The following CNOT1 variants were observed in gnomAD, a reference collection of about 807,000 sequenced individuals.
CNOT1 encodes the protein CCR4-NOT transcription complex subunit 1, also known as CCR4-associated factor 1.
Under a neutral mutation model 273.8 loss-of-function variants are expected in CNOT1, and 15 were observed. The observed-to-expected ratio is 0.05, with a 90% CI of 0.04 to 0.08. The LOEUF (loss-of-function observed/expected upper bound fraction) is 0.08. Among genes scored for constraint, CNOT1 ranks in the 10% least tolerant of loss-of-function variants. The pLI is 1.00. For synonymous variants in CNOT1, 1,022 were observed against 1,005.5 expected (o/e 1.02, Z -0.31); for missense variants, 1,644 against 2,912.2 (o/e 0.56, Z 10.02).
chr16:58,576,260 A>T (rs1372944376), intron 14 of CNOT1, among the ~76,000 whole-genome samples: 1 of 151,422 alleles, frequency 6.6e-6, no homozygotes, highest in Non-Finnish European at 1.5e-5. Flanking sequence ...ACAGGCACGC[A>T]CTCCACGCCC....
intron 46 of CNOT1, 115 bp from the exon 47 acceptor site, chr16:58,523,617 T>A: frequency 1.1e-6 from 1 of 929,736 alleles, no homozygotes; most frequent in Non-Finnish European, 1.6e-6. Flanking sequence ...AATCTTTGGT[T>A]TAAAGCAGTG....
At chr16:58,567,550 T>TC (rs2041098018) in intron 16 of CNOT1, among the ~76,000 whole-genome samples, 1 of 76,928 alleles carries the variant, frequency 1.3e-5, no homozygotes, top group Non-Finnish European at 2.8e-5. Flanking sequence ...AGACATCATC[T>TC]CAAAAAAAAA....
intron 3 of CNOT1, among the ~76,000 whole-genome samples, chr16:58,588,488 T>C (rs1433314750): frequency 1.3e-5 from 2 of 152,062 alleles, no homozygotes; most frequent in African/African-American, 4.8e-5. Flanking sequence ...GGAATAAAGC[T>C]AGAGATTCAA....
intron 13 of CNOT1, 42 bp downstream of exon 13, chr16:58,578,657 T>C: frequency 1.2e-6 from 2 of 1,603,520 alleles, no homozygotes; most frequent in South Asian, 1.1e-5. Context: ...AGAAGATCAA[T>C]TATTCAGATG....
intron 2 of CNOT1, among the ~76,000 whole-genome samples, chr16:58,592,028 T>C (rs1339316283): frequency 6.6e-6 from 1 of 152,164 alleles, no homozygotes; most frequent in African/African-American, 2.4e-5. Flanking sequence ...CCAAAAGCCC[T>C]TGATATACTT....
chr16:58,521,387 T>G (rs1281928191), intron 47 of CNOT1, 70 bp from the exon 48 acceptor site: 1 of 1,492,756 alleles, frequency 6.7e-7, no homozygotes, highest in East Asian at 2.3e-5. Flanking sequence ...TTCCATTACT[T>G]TTTTTCTAAC....
rs934487849 is a variant in CNOT1 at position 58,543,613 on chromosome 16, G to A, written c.4428C>T (p.Ala1476=). Residue 1476 remains alanine, a synonymous_variant, in exon 31 of 49, where the codon GCC becomes GCT. Coordinates refer to ENST00000317147, the MANE Select transcript of CNOT1 (RefSeq NM_016284.5). ...STNLKNSFAS[A]LRTASPQQRE... ...AAGGAAATAGCCAACTTACACGAAG[G>A]GCTGAGGCAAAACTGTTTTTTAAGT... 2 of 1,614,034 alleles carry A rather than the reference G, an allele frequency of 1.2e-6. No individual in the cohort carries two copies. Among genetic ancestry groups the A allele is most frequent in the Non-Finnish European group, 8.5e-7 (1 of 1,180,032 alleles).
rs1375226207 is a variant in CNOT1 at position 58,537,888 on chromosome 16, C to T, written c.5414+3G>A. The T allele has an allele frequency of 1.2e-6, 2 of 1,613,868 alleles. No homozygotes were observed. The highest frequency in any genetic ancestry group is 2.2e-5 in the South Asian group (2 of 91,082). ...CAGGGATCTCAAAGCATTTCATCCT[C>T]ACCCTTCTGGAGCATTGCCTCTGGA... On this transcript the variant is annotated splice_donor_region_variant and intron_variant, in intron 38 of 48. Transcript: ENST00000317147.
intron 44 of CNOT1, chr16:58,527,872 T>G (rs1359217753): frequency 1.2e-5 from 3 of 241,804 alleles, no homozygotes; most frequent in Non-Finnish European, 1.7e-5. Context: ...TCCCAGCACT[T>G]TGGGAGGCCG....
At chr16:58,567,979 G>A (rs1377941719) in intron 16 of CNOT1, among the ~76,000 whole-genome samples, 2 of 152,202 alleles carry the variant, frequency 1.3e-5, no homozygotes, top group Non-Finnish European at 2.9e-5. Flanking sequence ...TGCATGAGGT[G>A]TTTACAAAAA....
At chr16:58,601,388 C>T (rs1462335122) in intron 1 of CNOT1, among the ~76,000 whole-genome samples, 2 of 152,140 alleles carry the variant, frequency 1.3e-5, no homozygotes, top group African/African-American at 4.8e-5. Flanking sequence ...TGAGCCACTG[C>T]GTCCAGCCAC....
intron 13 of CNOT1, among the ~76,000 whole-genome samples, chr16:58,578,431 C>A (rs953113088): frequency 7.5e-6 from 1 of 134,160 alleles, no homozygotes; most frequent in African/African-American, 2.9e-5. Flanking sequence ...CCAGCCTGGG[C>A]GACAGAGCAA....
intron 40 of CNOT1, among the ~76,000 whole-genome samples, chr16:58,533,462 C>T (rs901490436): frequency 3.9e-5 from 6 of 152,282 alleles, no homozygotes; most frequent in African/African-American, 1.4e-4. Flanking sequence ...TGGTGAAACC[C>T]TGTCTCTACT....
At chr16:58,600,436 T>G (rs1347204957) in intron 1 of CNOT1, among the ~76,000 whole-genome samples, 1 of 152,238 alleles carries the variant, frequency 6.6e-6, no homozygotes, top group African/African-American at 2.4e-5. Context: ...CTATACCCTT[T>G]GGAAGCAGCA....
At chr16:58,551,957 C>G (rs2040463393) in intron 22 of CNOT1, 138 bp from the exon 23 acceptor site, 1 of 1,070,578 alleles carries the variant, frequency 9.3e-7, no homozygotes, top group Admixed American at 2.5e-5. Context: ...TGCCCCATAC[C>G]CTGGCACTAA....
Position 58,534,291 on chromosome 16 carries a change from C to T in CNOT1, c.5751G>A (p.Gln1917=). Residue 1917 remains glutamine, a synonymous_variant, in exon 40 of 49, where the codon CAG becomes CAA. Transcript: ENST00000317147. The part of the protein sequence containing the change: ...VEISYRAQAE[Q]QHNPAANPTM... ...TGGGATTGGCAGCAGGATTGTGCTG[C>T]TGCTCAGCCTGAGCACGGTAACTGA... 6.2e-7 allele frequency: 1 copy of T among 1,614,136 alleles called. No individual in the cohort carries two copies. Among genetic ancestry groups the T allele is most frequent in the South Asian group, 1.1e-5 (1 of 91,078 alleles).
intron 17 of CNOT1, 110 bp from the exon 18 acceptor site, chr16:58,558,784 C>T (rs2040727586): frequency 7.2e-7 from 1 of 1,396,790 alleles, no homozygotes; most frequent in Non-Finnish European, 9.7e-7. Context: ...CAAACTATTA[C>T]ACCCACTCAA....
chr16:58,531,705 T>TAA (rs35595725), intron 42 of CNOT1, among the ~76,000 whole-genome samples: 11 of 151,030 alleles, frequency 7.3e-5, no homozygotes, highest in South Asian at 2.1e-4. Context: ...GAAAAAACAA[T>TAA]AAAAAAAAAC....
At chr16:58,622,448 C>T (rs550444578) in intron 1 of CNOT1, among the ~76,000 whole-genome samples, 4 of 148,140 alleles carry the variant, frequency 2.7e-5, no homozygotes, top group Non-Finnish European at 4.4e-5. Context: ...GATCCCAAAA[C>T]TGCTCTAAAA....
Sources: gnomAD v4.1 joint callset for allele counts (sites outside exome capture counted in the v4.1 genomes callset) on GRCh38, gnomAD v4.1.1 for gene constraint, MANE v1.5 for transcripts, NCBI Gene and HGNC (gene_info 2026-07-23, HGNC 2026-07-21) for gene names.